The following TOX variants were observed in gnomAD, a reference collection of about 807,000 sequenced individuals.
TOX encodes thymocyte selection-associated high mobility group box protein TOX.
TOX carries 11 observed loss-of-function variants against 53.7 expected under a neutral mutation model. That is an observed-to-expected ratio of 0.20 (90% CI 0.13 to 0.34). The LOEUF is 0.34. Ranked by LOEUF, TOX falls within the 10% of genes least tolerant of loss-of-function variation. The pLI, the probability that TOX is intolerant of heterozygous loss-of-function variation, is 1.00. For missense variants in TOX, 570 were observed against 664.6 expected (o/e 0.86, Z 1.56); for synonymous variants, 225 against 245.3 (o/e 0.92, Z 0.77).
chr8:58,849,037 C>G (rs190968844), intron 4 of TOX, among the ~76,000 whole-genome samples: 150 of 152,168 alleles, frequency 9.9e-4, no homozygotes, highest in Non-Finnish European at 1.1e-3. Flanking sequence ...CACATAAATC[C>G]TACTCACATA....
chr8:58,939,483 G>A lies in TOX; in HGVS notation c.230C>T (p.Ser77Phe), dbSNP rs1443441902. 6.2e-7 allele frequency: 1 copy of A among 1,614,202 alleles called. No individual in the cohort carries two copies. Among genetic ancestry groups the A allele is most frequent in the Admixed American group, 1.7e-5 (1 of 60,024 alleles). Residue 77 changes from serine (S) to phenylalanine (F), a missense_variant, in exon 3 of 9, where the codon TCC (serine) becomes TTC (phenylalanine). This residue lies in a region of TOX where 282 missense variants were observed against 315.0 expected (regional missense o/e 0.90). Coordinates refer to ENST00000361421, the MANE Select transcript of TOX (RefSeq NM_014729.3). ...DFNIPPITPP[S>F]LPDHSLVHLN... ...GTGCACCAGCGAGTGGTCTGGGAGGGAAGGAGGAGTAATTGGTGGAATGTT... is the reference window on the plus strand; with the variant it reads ...GTGCACCAGCGAGTGGTCTGGGAGGAAAGGAGGAGTAATTGGTGGAATGTT...
intron 1 of TOX, among the ~76,000 whole-genome samples, chr8:59,090,591 C>T (rs143599885): frequency 7.2e-4 from 109 of 152,280 alleles, no homozygotes; most frequent in Non-Finnish European, 1.2e-3. Context: ...TTCTTAAGGT[C>T]ATGAGCTCCT....
intron 3 of TOX, among the ~76,000 whole-genome samples, chr8:58,898,194 A>G (rs151034342): frequency 6.6e-6 from 1 of 152,206 alleles, no homozygotes; most frequent in Non-Finnish European, 1.5e-5. Context: ...TATTATGAGT[A>G]TAACAGTTTT....
In TOX at chr8:58,815,348, G is replaced by A. The variant is rs1262918884; in HGVS notation, c.1382C>T (p.Thr461Ile). The A allele has an allele frequency of 1.3e-6, 2 of 1,598,734 alleles. No homozygotes were observed. Among genetic ancestry groups the A allele is most frequent in the South Asian group, 1.1e-5 (1 of 88,250 alleles). ...MQVQSALHSP[T>I]MQQGFTLQPD... is the part of the protein sequence containing the mutation. ...AGCCATTGCACTTACTTGCTGCATG[G>A]TGGGTGAGTGTAAGGCAGACTGGAC... Residue 461 changes from threonine (T) to isoleucine (I), a missense_variant, in exon 7 of 9, where the codon ACC becomes ATC. Thr to Ile is a moderately conservative substitution (Grantham distance 89). Coordinates refer to ENST00000361421, the MANE Select transcript of TOX (RefSeq NM_014729.3).
intron 1 of TOX, among the ~76,000 whole-genome samples, chr8:58,981,171 A>G (rs1813199085): frequency 6.6e-6 from 1 of 152,174 alleles, no homozygotes; most frequent in African/African-American, 2.4e-5. Flanking sequence ...AACTCTGTGG[A>G]TGTCAAATTG....
chr8:58,824,414 G>A (rs1810333735), intron 6 of TOX, among the ~76,000 whole-genome samples: 1 of 152,100 alleles, frequency 6.6e-6, no homozygotes, highest in South Asian at 2.1e-4. Flanking sequence ...CTTCAGGATT[G>A]GGCTCCTGCC....
At chr8:58,953,412 T>G (rs777274246) in intron 2 of TOX, among the ~76,000 whole-genome samples, 18 of 152,234 alleles carry the variant, frequency 1.2e-4, no homozygotes, top group Non-Finnish European at 2.1e-4. Flanking sequence ...TAGTAACTTG[T>G]GTGCTCAAGT....
intron 1 of TOX, among the ~76,000 whole-genome samples, chr8:59,076,623 A>AT (rs754267716): frequency 7.2e-5 from 11 of 152,230 alleles, no homozygotes; most frequent in Non-Finnish European, 1.3e-4. Context: ...TACACAGCTG[A>AT]TTTTTTATGT....
intron 1 of TOX, among the ~76,000 whole-genome samples, chr8:59,086,581 T>C (rs1320798266): frequency 6.6e-6 from 1 of 152,212 alleles, no homozygotes; most frequent in Non-Finnish European, 1.5e-5. Context: ...AATCATTCAA[T>C]TCAATAAACT....
chr8:58,822,621 A>C (rs1810300861), intron 6 of TOX, among the ~76,000 whole-genome samples: 1 of 152,190 alleles, frequency 6.6e-6, no homozygotes, highest in African/African-American at 2.4e-5. Flanking sequence ...TGAAGGTCTC[A>C]GCCTCTGTTG....
intron 1 of TOX, among the ~76,000 whole-genome samples, chr8:59,051,956 G>A (rs922634730): frequency 6.6e-6 from 1 of 152,092 alleles, no homozygotes; most frequent in African/African-American, 2.4e-5. Context: ...ATATGTGTTT[G>A]CCCGAAGTTT....
Position 58,946,100 on chromosome 8 carries a change from C to T in TOX, c.169-6556G>A, listed in dbSNP as rs1458125305. Among the ~76,000 whole-genome samples, 8 of 152,150 alleles carry T rather than the reference C, an allele frequency of 5.3e-5. No homozygotes were observed. In the East Asian group the frequency reaches 1.5e-3, roughly 29 times the overall value. ...GTATTTGAAAGATAAATAAATAGTA[C>T]TGCCATCAAACATATACATAATGCA... is the stretch of plus-strand genomic sequence containing the variant. On this transcript the variant is annotated intron_variant, in intron 2 of 8. Transcript: ENST00000361421.
At chr8:58,828,708 T>G (rs977147840) in intron 5 of TOX, among the ~76,000 whole-genome samples, 1 of 152,098 alleles carries the variant, frequency 6.6e-6, no homozygotes, top group African/African-American at 2.4e-5. Flanking sequence ...TGCTTTTCAT[T>G]GATTTATTTT....
rs115276675 is a variant in TOX, at chr8:58,954,661, G to A, written c.168+5282C>T. On this transcript the variant is annotated intron_variant, in intron 2 of 8. Transcript: ENST00000361421. ...AGGTAAGATGAGTTCATGAGAAACT[G>A]TGAGTCCTATAACAAAGGCAGAAAT... Among the ~76,000 whole-genome samples the A allele has an allele frequency of 4.8e-3, 724 of 152,328 alleles. 2 individuals are homozygous for A. Among genetic ancestry groups the A allele is most frequent in the African/African-American group, 0.017 (699 of 41,578 alleles).
At chr8:59,098,119 A>G (rs1804744459) in intron 1 of TOX, among the ~76,000 whole-genome samples, 1 of 152,220 alleles carries the variant, frequency 6.6e-6, no homozygotes. Context: ...GGGCACCTAC[A>G]GGAACAGCCA....
chr8:58,962,066 T>C (rs1812808870), intron 1 of TOX, among the ~76,000 whole-genome samples: 1 of 152,188 alleles, frequency 6.6e-6, no homozygotes, highest in Non-Finnish European at 1.5e-5. Flanking sequence ...CTTGTGCATA[T>C]TCTATAAATG....
chr8:58,864,110 G>A (rs896035630), intron 3 of TOX, among the ~76,000 whole-genome samples: 2 of 152,034 alleles, frequency 1.3e-5, no homozygotes, highest in African/African-American at 4.8e-5. Flanking sequence ...GTAATGATAT[G>A]TCTAAGATAG....
At position 58,932,331 on chromosome 8, in the gene TOX, TA is replaced by T. The variant is rs530566220; in HGVS notation, c.411+6970del. Among the ~76,000 whole-genome samples the T allele has an allele frequency of 1.9e-3, 282 of 152,224 alleles. 2 individuals are homozygous for T. Among genetic ancestry groups the T allele is most frequent in the African/African-American group, 6.6e-3 (273 of 41,554 alleles). On this transcript the variant is annotated intron_variant, in intron 3 of 8. Transcript: ENST00000361421. ...GCTAAACATTTGATGAATTGTGGCA[TA>T]ATGCTAAATAATTGTTCTTCATCAT... is the stretch of plus-strand genomic sequence containing the variant.
At chr8:58,885,394 C>G (rs1019211876) in intron 3 of TOX, among the ~76,000 whole-genome samples, 11 of 152,030 alleles carry the variant, frequency 7.2e-5, no homozygotes, top group Admixed American at 7.2e-4. Context: ...TGCTCACTTC[C>G]AAACAGTCTC....
Sources: gnomAD v4.1 joint callset for allele counts (sites outside exome capture counted in the v4.1 genomes callset) on GRCh38, gnomAD v4.1.1 for gene constraint, gnomAD v4.1.1 regional missense constraint, MANE v1.5 for transcripts, NCBI Gene and HGNC (gene_info 2026-07-23, HGNC 2026-07-21) for gene names.